Variants in CNTN5 observed in about 807,000 individuals in gnomAD.
CNTN5 encodes the protein contactin-5.
CNTN5 carries 77 observed loss-of-function variants against 129.1 expected under a neutral mutation model. The observed-to-expected ratio is 0.60, with a 90% CI of 0.50 to 0.72. The LOEUF is 0.72. CNTN5 is among the 30% of genes least tolerant of loss of function. The pLI is 0.00. For missense variants in CNTN5, 1,478 were observed against 1,328.8 expected (o/e 1.11, Z -1.75); for synonymous variants, 509 against 465.6 (o/e 1.09, Z -1.20).
At chr11:99,722,374 T>C (rs1004162726) in intron 3 of CNTN5, among the ~76,000 whole-genome samples, 1 of 152,056 alleles carries the variant, frequency 6.6e-6, no homozygotes, top group African/African-American at 2.4e-5. Flanking sequence ...AGAAAATGAA[T>C]GCAGGACAGA....
At chr11:99,670,504 C>T (rs1376359691) in intron 3 of CNTN5, among the ~76,000 whole-genome samples, 1 of 152,158 alleles carries the variant, frequency 6.6e-6, no homozygotes, top group Non-Finnish European at 1.5e-5. Context: ...GGGGATTAGA[C>T]TGAAGACACA....
chr11:99,174,052 C>T (rs895900982), intron 1 of CNTN5, among the ~76,000 whole-genome samples: 4 of 152,140 alleles, frequency 2.6e-5, no homozygotes, highest in Non-Finnish European at 5.9e-5. Flanking sequence ...GGCTGGAGTG[C>T]AGTGGCCGTG....
At chr11:99,974,911 A>G (rs1591510263) in intron 8 of CNTN5, among the ~76,000 whole-genome samples, 1 of 152,378 alleles carries the variant, frequency 6.6e-6, no homozygotes, top group Non-Finnish European at 1.5e-5. Flanking sequence ...AAGAATATTT[A>G]CATCATCCAC....
chr11:99,516,339 A>G (rs1947052299), intron 2 of CNTN5, among the ~76,000 whole-genome samples: 1 of 152,136 alleles, frequency 6.6e-6, no homozygotes, highest in Admixed American at 6.6e-5. Flanking sequence ...AATTTTCCTA[A>G]TAACCTTGGG....
At chr11:99,600,067 A>C (rs529639067) in intron 3 of CNTN5, among the ~76,000 whole-genome samples, 1 of 152,254 alleles carries the variant, frequency 6.6e-6, no homozygotes, top group Non-Finnish European at 1.5e-5. Context: ...GAGGAGGAAT[A>C]AACTCAGTCG....
chr11:99,667,954 GAA>G (rs71050015), intron 3 of CNTN5, among the ~76,000 whole-genome samples: 4 of 150,986 alleles, frequency 2.6e-5, no homozygotes, highest in South Asian at 2.1e-4. Flanking sequence ...TAAAGCAAAA[GAA>G]AAAAAAAATC....
intron 8 of CNTN5, among the ~76,000 whole-genome samples, chr11:99,979,939 G>A (rs775712971): frequency 6.6e-6 from 1 of 152,138 alleles, no homozygotes; most frequent in African/African-American, 2.4e-5. Context: ...ACTTCCATGA[G>A]TCAAACCAAT....
intron 2 of CNTN5, among the ~76,000 whole-genome samples, chr11:99,551,431 CATT>C (rs1185377024): frequency 2.0e-5 from 3 of 152,218 alleles, no homozygotes; most frequent in Admixed American, 2.0e-4. Flanking sequence ...TAAGGGTTAA[CATT>C]ATTTATTAAC....
rs371673351 is a variant in CNTN5, at chr11:99,721,945, G to A, written c.56-97599G>A. 4.6e-5 allele frequency among the ~76,000 whole-genome samples: 7 copies of A among 152,142 alleles called. 1 individual carries two copies. In the East Asian group the frequency reaches 7.7e-4, roughly 17 times the overall value. ...CAAAACCACAATGAGATAGCATCTC[G>A]CACCTGTCAGAATGGCTATTCTTAA... On this transcript the variant is annotated intron_variant, in intron 3 of 24. Coordinates refer to ENST00000524871, the MANE Select transcript of CNTN5 (RefSeq NM_014361.4).
chr11:99,251,192 T>C (rs1003518986), intron 1 of CNTN5, among the ~76,000 whole-genome samples: 2 of 151,882 alleles, frequency 1.3e-5, no homozygotes, highest in African/African-American at 4.8e-5. Flanking sequence ...AGAAAACAGG[T>C]TATTTATATG....
intron 13 of CNTN5, among the ~76,000 whole-genome samples, chr11:100,130,210 A>C (rs945513015): frequency 6.6e-6 from 1 of 152,176 alleles, no homozygotes; most frequent in Admixed American, 6.6e-5. Flanking sequence ...TCAAAGACAC[A>C]GTCATTTGAA....
intron 13 of CNTN5, among the ~76,000 whole-genome samples, chr11:100,112,792 T>C (rs1945698622): frequency 6.6e-6 from 1 of 152,186 alleles, no homozygotes; most frequent in African/African-American, 2.4e-5. Flanking sequence ...CATGACATAA[T>C]TTAAAGCTGA....
At chr11:99,076,647 A>G (rs925236926) in intron 1 of CNTN5, among the ~76,000 whole-genome samples, 10 of 152,210 alleles carry the variant, frequency 6.6e-5, no homozygotes, top group African/African-American at 2.4e-4. Context: ...CTATAGATAT[A>G]TTCACAAATA....
intron 1 of CNTN5, among the ~76,000 whole-genome samples, chr11:99,284,582 T>C (rs2135899186): frequency 6.6e-6 from 1 of 150,488 alleles, no homozygotes; most frequent in African/African-American, 2.4e-5. Context: ...GGAAGAACTG[T>C]TTACCCCAGA....
At chr11:100,268,666 A>G (rs1950351847) in intron 17 of CNTN5, among the ~76,000 whole-genome samples, 1 of 152,224 alleles carries the variant, frequency 6.6e-6, no homozygotes, top group African/African-American at 2.4e-5. Flanking sequence ...AAGTCCATCA[A>G]GAATGAGTTC....
At chr11:99,639,944 C>T (rs951314856) in intron 3 of CNTN5, among the ~76,000 whole-genome samples, 1 of 152,094 alleles carries the variant, frequency 6.6e-6, no homozygotes, top group Non-Finnish European at 1.5e-5. Flanking sequence ...GTTCAAAGTT[C>T]CACAAATCTC....
At chr11:99,851,094 G>C (rs1024211103) in intron 6 of CNTN5, among the ~76,000 whole-genome samples, 1 of 151,390 alleles carries the variant, frequency 6.6e-6, no homozygotes, top group Admixed American at 6.6e-5. Flanking sequence ...CCCCCAACCT[G>C]CCTCATGGGC....
At chr11:99,484,568 C>T (rs900600364) in intron 2 of CNTN5, among the ~76,000 whole-genome samples, 1 of 152,118 alleles carries the variant, frequency 6.6e-6, no homozygotes, top group Non-Finnish European at 1.5e-5. Flanking sequence ...ATCCAAAAGA[C>T]ATCTACAGCT....
At chr11:99,921,653 G>A (rs558459035) in intron 7 of CNTN5, among the ~76,000 whole-genome samples, 11 of 151,980 alleles carry the variant, frequency 7.2e-5, no homozygotes, top group Non-Finnish European at 1.0e-4. Context: ...TGTCTCCTTC[G>A]GTTACAATGC....
Sources: allele counts gnomAD v4.1 joint callset (sites outside exome capture counted in the v4.1 genomes callset), GRCh38; gene constraint gnomAD v4.1.1; transcripts MANE v1.5; gene names NCBI Gene and HGNC (gene_info 2026-07-23, HGNC 2026-07-21).